The following SLC39A11 variants were observed in gnomAD, a reference collection of about 807,000 sequenced individuals.
SLC39A11 encodes solute carrier family 39 member 11.
A neutral mutation model predicts 36.1 loss-of-function variants in SLC39A11; 33 were observed. The ratio of observed to expected loss-of-function variants is 0.91; its 90% confidence interval spans 0.69 to 1.22. The LOEUF (loss-of-function observed/expected upper bound fraction) is 1.22, where lower values mean the gene tolerates loss of function less well. SLC39A11 is among the 50% of genes most tolerant of loss of function. SLC39A11 has a pLI of 0.00. For synonymous variants in SLC39A11, 166 were observed against 170.3 expected, an observed-to-expected ratio of 0.97 and a Z score of 0.20; for missense variants, 432 against 430.3, an observed-to-expected ratio of 1.00 and a Z score of -0.03.
At chr17:72,820,111 A>C (rs2077714324) in intron 6 of SLC39A11, among the ~76,000 whole-genome samples, 1 of 151,340 alleles carries the variant, frequency 6.6e-6, no homozygotes, top group South Asian at 2.1e-4. Context: ...GTCAGTTTAC[A>C]CTAAGAGGGA....
intron 3 of SLC39A11, among the ~76,000 whole-genome samples, chr17:73,052,976 T>C (rs184585369): frequency 1.3e-5 from 2 of 152,214 alleles, no homozygotes; most frequent in Non-Finnish European, 2.9e-5. Context: ...GCTGGGATTA[T>C]AGGCATGAGC....
chr17:72,742,179 G>C (rs1290007993), intron 6 of SLC39A11, among the ~76,000 whole-genome samples: 1 of 145,276 alleles, frequency 6.9e-6, no homozygotes, highest in Admixed American at 7.1e-5. Flanking sequence ...CTCCAGCCTG[G>C]GCGACAGTGT....
At chr17:72,811,884 A>T (rs1039890159) in intron 6 of SLC39A11, among the ~76,000 whole-genome samples, 8 of 152,246 alleles carry the variant, frequency 5.3e-5, no homozygotes, top group Non-Finnish European at 1.2e-4. Context: ...AGTGCAATGA[A>T]TATAACACAT....
chr17:72,922,002 A>C (rs2083692731), intron 5 of SLC39A11, among the ~76,000 whole-genome samples: 1 of 152,230 alleles, frequency 6.6e-6, no homozygotes, highest in Non-Finnish European at 1.5e-5. Context: ...TTCAATTATA[A>C]TTACAAATGA....
intron 7 of SLC39A11, among the ~76,000 whole-genome samples, chr17:72,715,778 C>G (rs1373682525): frequency 6.6e-6 from 1 of 152,072 alleles, no homozygotes; most frequent in Non-Finnish European, 1.5e-5. Flanking sequence ...ATCTTGGCTC[C>G]CTGCAGCCTC....
chr17:72,659,892 T>C (rs2070333352), intron 7 of SLC39A11, among the ~76,000 whole-genome samples: 1 of 152,112 alleles, frequency 6.6e-6, no homozygotes, highest in Admixed American at 6.6e-5. Context: ...TGAGCCACCA[T>C]GGCTGGCCCT....
intron 5 of SLC39A11, among the ~76,000 whole-genome samples, chr17:72,926,071 G>T (rs2084032789): frequency 6.6e-6 from 1 of 152,170 alleles, no homozygotes; most frequent in East Asian, 1.9e-4. Flanking sequence ...TGAGCCCTCA[G>T]GCTTTTAAAT....
intron 6 of SLC39A11, among the ~76,000 whole-genome samples, chr17:72,814,765 C>T (rs2077531351): frequency 6.6e-6 from 1 of 152,208 alleles, no homozygotes; most frequent in Non-Finnish European, 1.5e-5. Context: ...AGAGGTCATC[C>T]ACAATGCATC....
chr17:72,917,100 G>T (rs561500625), intron 5 of SLC39A11, among the ~76,000 whole-genome samples: 1 of 152,164 alleles, frequency 6.6e-6, no homozygotes, highest in Non-Finnish European at 1.5e-5. Context: ...GACACCCAGC[G>T]GGGGAAGAAT....
chr17:72,738,060 A>G (rs2074509052), intron 6 of SLC39A11, among the ~76,000 whole-genome samples: 1 of 152,120 alleles, frequency 6.6e-6, no homozygotes, highest in Non-Finnish European at 1.5e-5. Flanking sequence ...ACTGGAGTGC[A>G]GTGGCATGAT....
At chr17:72,893,278 T>C (rs2081853015) in intron 5 of SLC39A11, among the ~76,000 whole-genome samples, 1 of 152,074 alleles carries the variant, frequency 6.6e-6, no homozygotes, top group African/African-American at 2.4e-5. Context: ...CTGGCCAACA[T>C]GGTGAAACCC....
At chr17:72,936,951 C>T (rs2084810934) in intron 5 of SLC39A11, among the ~76,000 whole-genome samples, 1 of 152,180 alleles carries the variant, frequency 6.6e-6, no homozygotes, top group Non-Finnish European at 1.5e-5. Context: ...CACTCACCTC[C>T]CACTGCATAG....
At chr17:73,044,774 G>C (rs2059218838) in intron 3 of SLC39A11, among the ~76,000 whole-genome samples, 1 of 151,816 alleles carries the variant, frequency 6.6e-6, no homozygotes, top group African/African-American at 2.4e-5. Context: ...CTCAGGAGGA[G>C]GCTGAGGCAG....
At chr17:72,660,908 G>T (rs908828257) in intron 7 of SLC39A11, among the ~76,000 whole-genome samples, 3 of 152,188 alleles carry the variant, frequency 2.0e-5, no homozygotes, top group Non-Finnish European at 4.4e-5. Context: ...TCTCCGGGGA[G>T]GGGGAGGGGA....
chr17:72,716,334 G>T (rs1355936381), intron 7 of SLC39A11, among the ~76,000 whole-genome samples: 2 of 151,996 alleles, frequency 1.3e-5, no homozygotes, highest in African/African-American at 4.8e-5. Flanking sequence ...AGAATGCTGT[G>T]GTTGAACCTT....
chr17:72,821,532 A>C (rs1282675755), intron 6 of SLC39A11: 1 of 121,990 alleles, frequency 8.2e-6, no homozygotes, highest in Non-Finnish European at 1.8e-5. Flanking sequence ...AAAAAAAAAA[A>C]GTTGGGGGTG....
chr17:72,700,307 C>T (rs1044757504), intron 7 of SLC39A11, among the ~76,000 whole-genome samples: 1 of 152,210 alleles, frequency 6.6e-6, no homozygotes, highest in Non-Finnish European at 1.5e-5. Flanking sequence ...CATTTTAAAT[C>T]TCAGAATCAT....
chr17:73,084,245 C>G (rs1318209255), intron 3 of SLC39A11, among the ~76,000 whole-genome samples: 1 of 151,882 alleles, frequency 6.6e-6, no homozygotes, highest in East Asian at 1.9e-4. Flanking sequence ...CAAGACCAGC[C>G]TGGGCAACAT....
intron 6 of SLC39A11, among the ~76,000 whole-genome samples, chr17:72,777,414 G>A (rs1036317549): frequency 1.9e-4 from 29 of 152,064 alleles, no homozygotes; most frequent in African/African-American, 6.5e-4. Flanking sequence ...TTGGAAATAA[G>A]GTCTTTACAG....
Sources: allele counts gnomAD v4.1 joint callset (sites outside exome capture counted in the v4.1 genomes callset), GRCh38; gene constraint gnomAD v4.1.1; transcripts MANE v1.5; gene names NCBI Gene and HGNC (gene_info 2026-07-23, HGNC 2026-07-21).